The following RGL1 variants were observed in gnomAD, a reference collection of about 807,000 sequenced individuals.
RGL1 encodes ral guanine nucleotide dissociation stimulator like 1, also known as ral guanine nucleotide dissociation stimulator-like 1.
Under a neutral mutation model 95.2 loss-of-function variants are expected in RGL1, and 24 were observed. The ratio of observed to expected loss-of-function variants is 0.25; its 90% CI spans 0.18 to 0.35. The LOEUF is 0.35. RGL1 is among the 10% of genes least tolerant of loss of function. RGL1 has a pLI of 1.00. For missense variants in RGL1, 715 were observed against 936.3 expected (o/e 0.76, Z 3.08); for synonymous variants, 329 against 344.9 (o/e 0.95, Z 0.51).
chr1:183,851,516 A>G (rs1049185538), intron 3 of RGL1, among the ~76,000 whole-genome samples: 4 of 152,162 alleles, frequency 2.6e-5, no homozygotes, highest in East Asian at 1.9e-4. Context: ...TTACATATCC[A>G]TAAGACCTGG....
At chr1:183,832,589 A>T (rs1258594757) in intron 2 of RGL1, among the ~76,000 whole-genome samples, 1 of 152,188 alleles carries the variant, frequency 6.6e-6, no homozygotes, top group Non-Finnish European at 1.5e-5. Flanking sequence ...GGAACTGTTG[A>T]TGAGCCTTTA....
intron 1 of RGL1, among the ~76,000 whole-genome samples, chr1:183,707,229 G>T (rs953207460): frequency 6.6e-6 from 1 of 152,168 alleles, no homozygotes; most frequent in African/African-American, 2.4e-5. Context: ...CTGAGCTAGG[G>T]TCCAGATACG....
chr1:183,843,180 GT>G (rs1288207969), intron 2 of RGL1, among the ~76,000 whole-genome samples: 7 of 152,320 alleles, frequency 4.6e-5, no homozygotes, highest in African/African-American at 1.4e-4. Flanking sequence ...GTTATTTTGT[GT>G]GAGAATGATT....
At chr1:183,832,656 TCCAGA>T (rs1663340732) in intron 2 of RGL1, among the ~76,000 whole-genome samples, 1 of 152,200 alleles carries the variant, frequency 6.6e-6, no homozygotes, top group Non-Finnish European at 1.5e-5. Flanking sequence ...TGACTGTGGG[TCCAGA>T]CTGCTTGAAT....
rs1235983650 is a variant in RGL1, at chr1:183,683,447, A to G, written c.-33+46946A>G. Among the ~76,000 whole-genome samples the G allele has an allele frequency of 3.3e-5, 5 of 152,164 alleles. No individual in the cohort carries two copies. The South Asian group carries it at 1.0e-3, about 32-fold the overall frequency. On this transcript the variant is annotated intron_variant, in intron 1 of 18. Transcript: ENST00000304685. The stretch of plus-strand genomic sequence containing the variant: ...GAAGCTTAGTTTGGCTGGATATGAA[A>G]TTCTGGGTTGAAAATTCTTTTCTTT...
upstream of RGL1, among the ~76,000 whole-genome samples, chr1:183,802,728 C>T (rs907857654): frequency 2.0e-5 from 3 of 152,012 alleles, no homozygotes; most frequent in African/African-American, 7.2e-5. Flanking sequence ...AAAGCAATCC[C>T]ATTTACAATA....
At chr1:183,637,216 G>T (rs1558125792) in intron 1 of RGL1, among the ~76,000 whole-genome samples, 1 of 152,204 alleles carries the variant, frequency 6.6e-6, no homozygotes, top group Non-Finnish European at 1.5e-5. Flanking sequence ...AATGTAAAAT[G>T]CATGTTGCTT....
At chr1:183,636,396 C>G in exon 1 of RGL1, 1 of 386,162 alleles carries the variant, frequency 2.6e-6, no homozygotes, top group Admixed American at 4.5e-5. Context: ...TTGGAACTAC[C>G]CTTCTTGGCC....
intron 2 of RGL1, among the ~76,000 whole-genome samples, chr1:183,797,061 G>A (rs1660735838): frequency 6.6e-6 from 1 of 152,104 alleles, no homozygotes; most frequent in Non-Finnish European, 1.5e-5. Context: ...CGGGCACGGT[G>A]GCTCACACAT....
At chr1:183,736,485 G>A (rs1213454715) in intron 1 of RGL1, among the ~76,000 whole-genome samples, 1 of 152,202 alleles carries the variant, frequency 6.6e-6, no homozygotes, top group Non-Finnish European at 1.5e-5. Context: ...CAGGTCTTGT[G>A]ACTAGAATTT....
intron 1 of RGL1, among the ~76,000 whole-genome samples, chr1:183,639,700 CAA>C (rs11335181): frequency 0.014 from 2,027 of 140,952 alleles, 51 homozygotes; most frequent in African/African-American, 0.048. Context: ...ACCTGTAAGC[CAA>C]AAAAAAAAAA....
intron 11 of RGL1, 44 bp from the exon 12 acceptor site, chr1:183,902,524 A>C: frequency 6.4e-7 from 1 of 1,570,056 alleles, no homozygotes; most frequent in Non-Finnish European, 8.7e-7. Flanking sequence ...GCTGTGTTTT[A>C]AAGTAGCTTG....
intron 2 of RGL1, among the ~76,000 whole-genome samples, chr1:183,745,743 A>G (rs2102267510): frequency 6.6e-6 from 1 of 152,194 alleles, no homozygotes; most frequent in South Asian, 2.1e-4. Context: ...GTTTTTGGAA[A>G]CTGCATTTTC....
At chr1:183,694,166 G>A (rs1654122560) in intron 1 of RGL1, among the ~76,000 whole-genome samples, 1 of 152,178 alleles carries the variant, frequency 6.6e-6, no homozygotes, top group Non-Finnish European at 1.5e-5. Flanking sequence ...AGAATTTTAT[G>A]TCTCTTGGGA....
chr1:183,706,605 G>A (rs1471222013), intron 1 of RGL1, among the ~76,000 whole-genome samples: 11 of 152,210 alleles, frequency 7.2e-5, no homozygotes, highest in Admixed American at 6.5e-4. Context: ...AGCCTGGTGG[G>A]CTTACCTGGG....
intron 3 of RGL1, among the ~76,000 whole-genome samples, chr1:183,848,024 A>G (rs1664561622): frequency 6.6e-6 from 1 of 152,198 alleles, no homozygotes; most frequent in African/African-American, 2.4e-5. Context: ...ATCTAGATTC[A>G]GTTGCTTTAT....
chr1:183,751,994 C>A (rs79622683), intron 2 of RGL1, among the ~76,000 whole-genome samples: 1 of 152,128 alleles, frequency 6.6e-6, no homozygotes, highest in African/African-American at 2.4e-5. Flanking sequence ...TGTTCCTATT[C>A]GGCCATCTTG....
At chr1:183,885,408 C>T (rs1667057132) in intron 7 of RGL1, among the ~76,000 whole-genome samples, 1 of 152,158 alleles carries the variant, frequency 6.6e-6, no homozygotes, top group Admixed American at 6.5e-5. Flanking sequence ...CTTCAGAGTC[C>T]TGAATCTCTT....
At chr1:183,905,976 A>G (rs1372642254) in intron 13 of RGL1, among the ~76,000 whole-genome samples, 1 of 152,146 alleles carries the variant, frequency 6.6e-6, no homozygotes, top group Non-Finnish European at 1.5e-5. Context: ...TGCAACAGAG[A>G]CCATATGGCC....
Sources: gnomAD v4.1 joint callset for allele counts (sites outside exome capture counted in the v4.1 genomes callset) on GRCh38, gnomAD v4.1.1 for gene constraint, MANE v1.5 for transcripts, NCBI Gene and HGNC (gene_info 2026-07-23, HGNC 2026-07-21) for gene names.